The following ABCC6 variants were observed in gnomAD, a reference collection of about 807,000 sequenced individuals.
The protein encoded by ABCC6 is ATP-binding cassette sub-family C member 6.
In ABCC6, 126 loss-of-function variants were observed where a neutral mutation model predicts 169.5. The observed-to-expected ratio is 0.74, with a 90% confidence interval of 0.64 to 0.86. ABCC6 has a LOEUF of 0.86. Ranked by LOEUF, ABCC6 falls within the 40% of genes least tolerant of loss-of-function variation. The pLI, the probability that ABCC6 is intolerant of heterozygous loss-of-function variation, is 0.00. For missense variants in ABCC6, 1,733 were observed against 1,927.2 expected (o/e 0.90, Z 1.89); for synonymous variants, 752 against 814.7 (o/e 0.92, Z 1.31).
rs1234120888 is a variant in ABCC6, at chr16:16,166,490, C to T, written c.2996-557G>A. Among the ~76,000 whole-genome samples the T allele has an allele frequency of 2.0e-5, 3 of 152,020 alleles. No individual in the cohort carries two copies. In the East Asian group the frequency reaches 5.8e-4, roughly 29 times the overall value. On this transcript the variant is annotated intron_variant, in intron 22 of 30. Coordinates refer to ENST00000205557, the MANE Select transcript of ABCC6 (RefSeq NM_001171.6). ...AGCAGGAGATATGAAGATGGCGACACAGATGGGAGGGTGTATCTACAAGCC... is the reference window on the plus strand; with the variant it reads ...AGCAGGAGATATGAAGATGGCGACATAGATGGGAGGGTGTATCTACAAGCC...
chr16:16,206,503 C>T (rs549451061), intron 7 of ABCC6, among the ~76,000 whole-genome samples: 13 of 151,914 alleles, frequency 8.6e-5, no homozygotes, highest in Admixed American at 2.6e-4. Context: ...GCCGACTGGA[C>T]CAGCAGGTGG....
intron 5 of ABCC6, among the ~76,000 whole-genome samples, chr16:16,213,428 C>G (rs1018804668): frequency 6.6e-6 from 1 of 152,056 alleles, no homozygotes; most frequent in African/African-American, 2.4e-5. Flanking sequence ...GATGTCAGAT[C>G]AGTCTCTTCC....
rs1244284650 is a variant in ABCC6, at chr16:16,159,477, A to G, written c.3735+5T>C. 6.3e-7 allele frequency: 1 copy of G among 1,587,184 alleles called. No homozygotes were observed. Among genetic ancestry groups the G allele is most frequent in the Non-Finnish European group, 8.6e-7 (1 of 1,165,488 alleles). On this transcript the variant is annotated splice_donor_5th_base_variant and intron_variant, in intron 26 of 30. Coordinates refer to ENST00000205557, the MANE Select transcript of ABCC6 (RefSeq NM_001171.6). ...GGGACCCCCTCCCCACCTCCCGCCC[A>G]TCACCTCCTTGGGCGTCCAGGCATA...
At position 16,157,674 on chromosome 16, in the gene ABCC6, C is replaced by T. The variant is rs58694313; in HGVS notation, c.3871G>A (p.Ala1291Thr). 8,004 of 1,614,016 alleles carry T rather than the reference C, an allele frequency of 5.0e-3. 316 individuals carry two copies. In the African/African-American group the frequency reaches 0.092, roughly 18 times the overall value. ...AVQGVSFKIH[A>T]GEKVGIVGRT... The stretch of plus-strand genomic sequence containing the variant: ...AGAGAACCACTCACCTTCTCTCCTG[C>T]GTGGATCTTGAAGGACACGCCCTGC... The change falls in exon 27 of 31, where the codon GCA becomes ACA. Residue 1291 changes from alanine to threonine, a missense_variant. Transcript: ENST00000205557.
intron 11 of ABCC6, among the ~76,000 whole-genome samples, chr16:16,192,209 G>C (rs1037052686): frequency 1.4e-4 from 21 of 152,146 alleles, no homozygotes; most frequent in African/African-American, 4.8e-4. Flanking sequence ...GGATGTGTGA[G>C]ATCGGGCAGG....
intron 10 of ABCC6, among the ~76,000 whole-genome samples, chr16:16,194,652 C>T (rs148611222): frequency 8.0e-4 from 121 of 152,192 alleles, no homozygotes; most frequent in African/African-American, 2.7e-3. Flanking sequence ...CTCAGTTTCC[C>T]GTCTCAGTCC....
At chr16:16,212,856 A>G (rs2048686618) in intron 5 of ABCC6, among the ~76,000 whole-genome samples, 1 of 152,050 alleles carries the variant, frequency 6.6e-6, no homozygotes, top group South Asian at 2.1e-4. Flanking sequence ...TAGATCCTTG[A>G]CAATATCCCT....
In ABCC6 at chr16:16,154,781, A is replaced by T; in HGVS notation, c.4055T>A (p.Phe1352Tyr). ...GAGGTTCATCCGCAGAGAGCCAGGG[A>T]ACAGGATGGGGTCCTGGCGGGGAGG... ...ISIIPQDPIL[F>Y]PGSLRMNLDL... Residue 1352 changes from phenylalanine (F) to tyrosine (Y), a missense_variant, in exon 29 of 31, where the codon TTC (phenylalanine) becomes TAC (tyrosine). Transcript: ENST00000205557. 1 of 1,612,486 alleles carries T rather than the reference A, an allele frequency of 6.2e-7. No individual in the cohort carries two copies. Among genetic ancestry groups the T allele is most frequent in the Non-Finnish European group, 8.5e-7 (1 of 1,179,444 alleles).
rs1195759904 is a variant in ABCC6 at position 16,161,421 on chromosome 16, G to GA, written c.3633+16_3633+17insT. On this transcript the variant is annotated intron_variant, in intron 25 of 30. Transcript: ENST00000205557. ...TCTGTCTGTCCCTCAAGCCCAGTTT[G>GA]GGGATGTGGGGAGTACCTGGAGGGC... is the stretch of plus-strand genomic sequence containing the variant. 2 of 1,613,658 alleles carry GA rather than the reference G, an allele frequency of 1.2e-6. No individual in the cohort carries two copies. The highest frequency in any genetic ancestry group is 4.5e-5 in the East Asian group (2 of 44,880).
chr16:16,169,265 T>G (rs1384527185), intron 22 of ABCC6, among the ~76,000 whole-genome samples: 1 of 152,188 alleles, frequency 6.6e-6, no homozygotes, highest in Non-Finnish European at 1.5e-5. Flanking sequence ...TCTACAATTA[T>G]TTCAAGAAGA....
At chr16:16,170,083 A>T (rs2047010629) in intron 21 of ABCC6, among the ~76,000 whole-genome samples, 1 of 120,586 alleles carries the variant, frequency 8.3e-6, no homozygotes, top group Non-Finnish European at 1.7e-5. Flanking sequence ...AGCTAGTATT[A>T]ATATTTTTTC....
At chr16:16,211,086 ACT>A (rs2048598833) in intron 6 of ABCC6, among the ~76,000 whole-genome samples, 1 of 139,952 alleles carries the variant, frequency 7.1e-6, no homozygotes, top group East Asian at 2.1e-4. Context: ...CAAGAGTGAA[ACT>A]CTGTCTCAAA....
At position 16,161,549 on chromosome 16, in the gene ABCC6, A is replaced by G. The variant is rs948149686; in HGVS notation, c.3522T>C (p.Asn1174=). 5.0e-6 allele frequency: 8 copies of G among 1,613,810 alleles called. No homozygotes were observed. The African/African-American group carries it at 6.7e-5, about 13-fold the overall frequency. The change falls in exon 25 of 31, where the codon AAT becomes AAC. Residue 1174 remains asparagine (N), a synonymous_variant. Coordinates refer to ENST00000205557, the MANE Select transcript of ABCC6 (RefSeq NM_001171.6). ...CCAGGCCATTCCCCAGGAGCTCCAC[A>G]TTGGCCGCAAGCCACCTGCAAAGGG... is the stretch of plus-strand genomic sequence containing the variant. The part of the protein sequence containing the change: ...RLVADRWLAA[N]VELLGNGLVF...
rs895402650 is a variant in ABCC6 at position 16,175,836 on chromosome 16, G to A, written c.2666+75C>T. On this transcript the variant is annotated intron_variant, in intron 20 of 30. Coordinates refer to ENST00000205557, the MANE Select transcript of ABCC6 (RefSeq NM_001171.6). The stretch of plus-strand genomic sequence containing the variant: ...GTTTTGGTTGCCCGCCTAACTGCCC[G>A]AGATGCGGGTGGTCCCTTCAGCTAC... 108 of 1,546,138 alleles carry A rather than the reference G, an allele frequency of 7.0e-5. 1 individual carries two copies. The highest frequency in any genetic ancestry group is 4.6e-4 in the South Asian group (41 of 89,314).
chr16:16,164,142 T>TC (rs1290894361), intron 23 of ABCC6, among the ~76,000 whole-genome samples: 1 of 152,014 alleles, frequency 6.6e-6, no homozygotes, highest in African/African-American at 2.4e-5. Context: ...CAAGCAATCC[T>TC]CCCGCCTCAT....
At position 16,178,397 on chromosome 16, in the gene ABCC6, G is replaced by C. The variant is rs180817553; in HGVS notation, c.2415+401C>G. Among the ~76,000 whole-genome samples, 227 of 152,122 alleles carry C rather than the reference G, an allele frequency of 1.5e-3. 1 individual carries two copies. The highest frequency in any genetic ancestry group is 2.5e-3 in the Non-Finnish European group (168 of 67,972). On this transcript the variant is annotated intron_variant, in intron 18 of 30. Transcript: ENST00000205557. ...GCCTCCTGAGCTGGGGGTTGGGGTG[G>C]GGGTATTGTCCCTGGACTCAGAGTG...
At chr16:16,193,669 G>A (rs1315093312) in intron 10 of ABCC6, among the ~76,000 whole-genome samples, 2 of 152,138 alleles carry the variant, frequency 1.3e-5, no homozygotes, top group Non-Finnish European at 2.9e-5. Flanking sequence ...AGCCACGATC[G>A]CACCACTGCA....
intron 29 of ABCC6, among the ~76,000 whole-genome samples, chr16:16,153,019 C>T (rs2046434141): frequency 6.6e-6 from 1 of 152,068 alleles, no homozygotes; most frequent in Non-Finnish European, 1.5e-5. Context: ...GTCTCAGTGT[C>T]TTAGCCTCCC....
rs563045759 is a variant in ABCC6, at chr16:16,155,445, ATCCC to A, written c.3883-418_3883-415del. 3.7e-4 allele frequency: 91 copies of A among 242,960 alleles called. 2 individuals are homozygous for A. The South Asian group carries it at 6.4e-3, about 17-fold the overall frequency. The allele number at this position is 242,960 out of a possible 1,614,324, so 15.1% of individuals were successfully genotyped here. A position where few individuals can be genotyped will look rare whatever the true frequency, so the allele number is the denominator to read the frequency against. ...CCATCCATCATCCATCCTCAATCCC[ATCCC>A]TCCATCTCTCTTCCACCCCATTCCA... On this transcript the variant is annotated intron_variant, in intron 27 of 30. Coordinates refer to ENST00000205557, the MANE Select transcript of ABCC6 (RefSeq NM_001171.6).
Sources: allele counts gnomAD v4.1 joint callset (sites outside exome capture counted in the v4.1 genomes callset), GRCh38; gene constraint gnomAD v4.1.1; transcripts MANE v1.5; gene names NCBI Gene and HGNC (gene_info 2026-07-23, HGNC 2026-07-21).